SORBS2: variants seen among roughly 807,000 people sequenced by gnomAD.
SORBS2 encodes sorbin and SH3 domain containing 2, also known as sorbin and SH3 domain-containing protein 2.
Under a neutral mutation model 97.7 loss-of-function variants are expected in SORBS2, and 46 were observed. The ratio of observed to expected loss-of-function variants is 0.47; its 90% confidence interval spans 0.37 to 0.60. SORBS2 has a LOEUF of 0.60. Ranked by LOEUF, SORBS2 falls within the 20% of genes least tolerant of loss-of-function variation. The pLI is 0.00. For synonymous variants in SORBS2, 476 were observed against 473.4 expected (o/e 1.01, Z -0.07); for missense variants, 1,316 against 1,282.3 (o/e 1.03, Z -0.40).
intron 3 of SORBS2, among the ~76,000 whole-genome samples, chr4:185,647,966 C>A (rs550435718): frequency 6.6e-6 from 1 of 152,124 alleles, no homozygotes; most frequent in Non-Finnish European, 1.5e-5. Context: ...ACAAAGATAA[C>A]AATTTGTGTC....
chr4:185,638,002 G>A (rs992697047), intron 4 of SORBS2, 77 bp downstream of exon 15: 12 of 899,800 alleles, frequency 1.3e-5, no homozygotes, highest in Admixed American at 5.2e-5. Context: ...TGACACCCAC[G>A]TCTACTGATA....
chr4:185,750,894 C>T (rs557774884), intron 2 of SORBS2, among the ~76,000 whole-genome samples: 2 of 152,050 alleles, frequency 1.3e-5, no homozygotes, highest in Non-Finnish European at 1.5e-5. Flanking sequence ...TCTCTCTTCT[C>T]CTTGACCTTA....
intron 1 of SORBS2, among the ~76,000 whole-genome samples, chr4:185,843,233 T>G (rs2099212680): frequency 6.6e-6 from 1 of 152,064 alleles, no homozygotes; most frequent in South Asian, 2.1e-4. Flanking sequence ...GTCACAAAAG[T>G]CTAGGTAGTT....
chr4:185,889,946 G>A (rs10049708), intron 1 of SORBS2, among the ~76,000 whole-genome samples: 4,331 of 152,164 alleles, frequency 0.028, 161 homozygotes, highest in African/African-American at 0.089. Context: ...GAGTGCAATG[G>A]TGCGATCTCA....
chr4:185,632,416 G>GGTT (rs2096922760), intron 4 of SORBS2, among the ~76,000 whole-genome samples: 1 of 152,200 alleles, frequency 6.6e-6, no homozygotes, highest in South Asian at 2.1e-4. Context: ...TTGCTAGTCT[G>GGTT]ATATGTGTAC....
rs376831365 is a variant in SORBS2, at chr4:185,623,087, G to T, written c.2042C>A (p.Ala681Glu). The change falls in exon 7 of 15, where the codon GCG becomes GAG. Residue 681 changes from alanine to glutamate, a missense_variant. Ala to Glu is a moderately radical substitution (Grantham distance 107). Transcript: ENST00000418609. This position sits in a 1 kb window ranked among gnomAD's most constrained non-coding sequence, Gnocchi z 6.4. ...CTGGTGCAGGGGGCTCCTCCTCAGC[G>T]CTCTCAGGGATGAGTTCCTCTCGGG... 3.1e-6 allele frequency: 5 copies of T among 1,613,986 alleles called. No individual in the cohort carries two copies. In the African/African-American group the frequency reaches 6.7e-5, roughly 22 times the overall value.
At chr4:185,612,091 C>T (rs1383436828) in intron 11 of SORBS2, 111 bp from the exon 24 acceptor site, 3 of 786,920 alleles carry the variant, frequency 3.8e-6, no homozygotes, top group African/African-American at 3.5e-5. Context: ...AGGTTTTATA[C>T]CTTCAGTTTT....
chr4:185,853,441 C>T (rs1046523411), intron 1 of SORBS2, among the ~76,000 whole-genome samples: 2 of 152,042 alleles, frequency 1.3e-5, no homozygotes, highest in Non-Finnish European at 2.9e-5. Flanking sequence ...CCAAATGCAC[C>T]CCAAGAAATG....
intron 1 of SORBS2, among the ~76,000 whole-genome samples, chr4:185,822,033 T>C (rs947118971): frequency 1.3e-5 from 2 of 152,232 alleles, no homozygotes; most frequent in African/African-American, 4.8e-5. Context: ...TAACACGATG[T>C]TATTTTTTGA....
intron 1 of SORBS2, among the ~76,000 whole-genome samples, chr4:185,953,551 A>C (rs12498274): frequency 0.18 from 28,066 of 152,170 alleles, 3,224 homozygotes; most frequent in East Asian, 0.58. Context: ...CATAGGCTTC[A>C]GAGCATTAAA....
intron 8 of SORBS2, among the ~76,000 whole-genome samples, chr4:185,619,597 G>T (rs1186529384): frequency 6.6e-6 from 1 of 152,174 alleles, no homozygotes; most frequent in Non-Finnish European, 1.5e-5. Flanking sequence ...CCCGAGAACT[G>T]GGCTGGTTAA....
chr4:185,792,466 C>T (rs1413211664), intron 1 of SORBS2, among the ~76,000 whole-genome samples: 1 of 151,260 alleles, frequency 6.6e-6, no homozygotes, highest in African/African-American at 2.4e-5. Context: ...TGCACTCCGA[C>T]CTGGGCGACA....
chr4:185,684,649 C>T lies in SORBS2; in HGVS notation c.-197-5827G>A. On this transcript the variant is annotated intron_variant, in intron 2 of 20. Coordinates refer to the SORBS2 transcript ENST00000284776. This position sits in a 1 kb window ranked among gnomAD's most constrained non-coding sequence, Gnocchi z 4.2. Reference sequence around the variant, plus strand: ...TTTTAATTACACATTTAAAATGTTTCCTACAAGATCTCATTTTCCTTTGCT... The same window carrying T: ...TTTTAATTACACATTTAAAATGTTTTCTACAAGATCTCATTTTCCTTTGCT... 5 of 813,684 alleles carry T rather than the reference C, an allele frequency of 6.1e-6. No individual in the cohort carries two copies. The highest frequency in any genetic ancestry group is 9.7e-6 in the Non-Finnish European group (5 of 514,200). 50.4% of individuals were successfully genotyped at this position (813,684 alleles called of 1,614,324 possible). A position where few individuals can be genotyped will look rare whatever the true frequency, so the allele number is the denominator to read the frequency against.
chr4:185,698,542 G>C (rs4391082), intron 2 of SORBS2, among the ~76,000 whole-genome samples: 75,443 of 151,970 alleles, frequency 0.5, 19,108 homozygotes, highest in East Asian at 0.65. Flanking sequence ...AAACAACATA[G>C]GAAATCAAGC....
At chr4:185,647,920 T>C (rs564890137) in intron 3 of SORBS2, among the ~76,000 whole-genome samples, 1 of 152,312 alleles carries the variant, frequency 6.6e-6, no homozygotes, top group South Asian at 2.1e-4. Context: ...GGTAATACCT[T>C]TAAATCAAAA....
In SORBS2 at chr4:185,868,147, C is replaced by CTTTCTTTCTTTTTTTTTTT. The variant is rs1288748201; in HGVS notation, c.-338+88048_-338+88049insAAAAAAAAAAAGAAAGAAA. On this transcript the variant is annotated intron_variant, in intron 1 of 20. Transcript: ENST00000284776. ...TCTACTTTCCTTTCTCTTTTCTTTT[C>CTTTCTTTCTTTTTTTTTTT]TTTTTTTCTTTCTTTTTTTTTTTTT... Among the ~76,000 whole-genome samples the CTTTCTTTCTTTTTTTTTTT allele has an allele frequency of 5.0e-3, 450 of 89,576 alleles. 36 individuals carry two copies. Among genetic ancestry groups the CTTTCTTTCTTTTTTTTTTT allele is most frequent in the East Asian group, 6.1e-3 (19 of 3,138 alleles). The allele number at this position is 89,576 out of a possible 152,430, so 58.8% of individuals were successfully genotyped here. A position where few individuals can be genotyped will look rare whatever the true frequency, so the allele number is the denominator to read the frequency against.
chr4:185,785,544 T>C (rs1192748687), intron 1 of SORBS2, among the ~76,000 whole-genome samples: 1 of 152,234 alleles, frequency 6.6e-6, no homozygotes, highest in African/African-American at 2.4e-5. Flanking sequence ...GAGCGTGGTC[T>C]GTACTTACCC....
intron 1 of SORBS2, among the ~76,000 whole-genome samples, chr4:185,855,833 T>C (rs569127651): frequency 4.6e-5 from 7 of 152,312 alleles, no homozygotes; most frequent in African/African-American, 1.4e-4. Flanking sequence ...CTAGTTAGCA[T>C]GAAGATGCCA....
At chr4:185,866,632 TTC>T (rs2099227051) in intron 1 of SORBS2, among the ~76,000 whole-genome samples, 1 of 152,220 alleles carries the variant, frequency 6.6e-6, no homozygotes, top group Non-Finnish European at 1.5e-5. Flanking sequence ...TTCACCTCAT[TTC>T]TCTTTTTTCT....
Sources: gnomAD v4.1 joint callset for allele counts (sites outside exome capture counted in the v4.1 genomes callset) on GRCh38, gnomAD v4.1.1 for gene constraint, Gnocchi (gnomAD v3.1) non-coding constraint, MANE v1.5 for transcripts, NCBI Gene and HGNC (gene_info 2026-07-23, HGNC 2026-07-21) for gene names.